HIVEP1: variants seen among roughly 807,000 people sequenced by gnomAD.
HIVEP1 encodes HIVEP zinc finger 1, also known as zinc finger protein 40.
In HIVEP1, 36 loss-of-function variants were observed where a neutral mutation model predicts 180.0. The ratio of observed to expected loss-of-function variants is 0.20; its 90% CI spans 0.15 to 0.26. The LOEUF is 0.26. Ranked by LOEUF, HIVEP1 falls within the 10% of genes least tolerant of loss-of-function variation. HIVEP1 has a pLI of 1.00. For synonymous variants in HIVEP1, 1,239 were observed against 1,239.0 expected (o/e 1.00, Z 0.00); for missense variants, 3,143 against 3,268.7 (o/e 0.96, Z 0.94).
chr6:12,141,451 A>T (rs1479968969), intron 7 of HIVEP1, among the ~76,000 whole-genome samples: 1 of 152,088 alleles, frequency 6.6e-6, no homozygotes, highest in Non-Finnish European at 1.5e-5. Context: ...TGCTTGGAAG[A>T]AACTGCATCA....
chr6:12,033,709 TTTAC>T (rs1244455013), intron 2 of HIVEP1, among the ~76,000 whole-genome samples: 1 of 152,214 alleles, frequency 6.6e-6, no homozygotes. Context: ...ATCTTACTAT[TTTAC>T]TTACTGACAG....
chr6:12,158,819 T>G (rs1760219797), intron 7 of HIVEP1, among the ~76,000 whole-genome samples: 1 of 152,178 alleles, frequency 6.6e-6, no homozygotes, highest in Admixed American at 6.5e-5. Flanking sequence ...ATAGGTCTTT[T>G]GTTTTCCTGG....
At chr6:12,036,943 T>C (rs1769312383) in intron 2 of HIVEP1, among the ~76,000 whole-genome samples, 1 of 152,028 alleles carries the variant, frequency 6.6e-6, no homozygotes, top group Non-Finnish European at 1.5e-5. Flanking sequence ...AAAACAGCCC[T>C]CCAGAGAAGA....
At chr6:12,068,652 A>G (rs1290151487) in intron 2 of HIVEP1, among the ~76,000 whole-genome samples, 1 of 152,150 alleles carries the variant, frequency 6.6e-6, no homozygotes, top group East Asian at 1.9e-4. Context: ...TATATGTGTA[A>G]ATCGTCACAC....
At chr6:12,099,993 T>C (rs1774016859) in intron 3 of HIVEP1, among the ~76,000 whole-genome samples, 1 of 152,264 alleles carries the variant, frequency 6.6e-6, no homozygotes, top group Non-Finnish European at 1.5e-5. Context: ...TCCTTTCTTA[T>C]GACTTCATTG....
intron 3 of HIVEP1, among the ~76,000 whole-genome samples, chr6:12,091,734 A>G (rs1773488317): frequency 6.6e-6 from 1 of 152,078 alleles, no homozygotes; most frequent in Admixed American, 6.6e-5. Context: ...AATTTGATTT[A>G]TTTTGATTTT....
chr6:12,013,535 A>C (rs1006446405), intron 1 of HIVEP1, among the ~76,000 whole-genome samples: 1 of 152,214 alleles, frequency 6.6e-6, no homozygotes, highest in Non-Finnish European at 1.5e-5. Context: ...GGGAATGTGC[A>C]TATTTTACAT....
At chr6:12,195,594 C>A in the HIVEP1 span, among the ~76,000 whole-genome samples, 1 of 152,052 alleles carries the variant, frequency 6.6e-6, no homozygotes, top group Non-Finnish European at 1.5e-5. Context: ...AAAACTGAGG[C>A]CTAAGAGGAA....
chr6:12,062,289 C>T (rs1771290208), intron 2 of HIVEP1, among the ~76,000 whole-genome samples: 1 of 152,110 alleles, frequency 6.6e-6, no homozygotes, highest in African/African-American at 2.4e-5. Context: ...TAAAACTATT[C>T]CTTTAATGAT....
intron 2 of HIVEP1, among the ~76,000 whole-genome samples, chr6:12,035,419 C>G (rs6926714): frequency 0.017 from 2,614 of 152,252 alleles, 63 homozygotes; most frequent in African/African-American, 0.059. Context: ...AAGAATAGTT[C>G]AGAGTGGTGG....
chr6:12,134,444 G>A (rs1205300923), intron 6 of HIVEP1, among the ~76,000 whole-genome samples: 2 of 152,124 alleles, frequency 1.3e-5, no homozygotes, highest in Non-Finnish European at 2.9e-5. Flanking sequence ...AGCTTGTACA[G>A]GGATGACCAG....
chr6:12,121,393 T>G lies in HIVEP1; in HGVS notation c.1598T>G (p.Phe533Cys). The stretch of plus-strand genomic sequence containing the variant: ...GCTGAAACTTTACTAAAATCAAGCT[T>G]CACTCCAAGCAGTCCAGAAAATGTG... ...SNAETLLKSS[F>C]TPSSPENVIG... The change falls in exon 4 of 9, where the codon TTC becomes TGC. Residue 533 changes from phenylalanine (F) to cysteine (C), a missense_variant. Phe to Cys is a radical substitution (Grantham distance 205, BLOSUM62 -2). Transcript: ENST00000379388. The surrounding 1 kb of genome is among the most constrained non-coding windows in gnomAD (Gnocchi z 5.3). 3 of 1,614,084 alleles carry G rather than the reference T, an allele frequency of 1.9e-6. No homozygotes were observed. Among genetic ancestry groups the G allele is most frequent in the Non-Finnish European group, 2.5e-6 (3 of 1,180,022 alleles).
chr6:12,068,299 A>G (rs890027630), intron 2 of HIVEP1, among the ~76,000 whole-genome samples: 4 of 152,138 alleles, frequency 2.6e-5, no homozygotes, highest in African/African-American at 9.7e-5. Context: ...CGTGTTGGCC[A>G]GGGTGGTCTC....
upstream of HIVEP1, chr6:12,008,454 T>TAC (rs1206334037): frequency 1.3e-5 from 2 of 152,210 alleles, no homozygotes; most frequent in East Asian, 3.9e-4. Context: ...GGAAAGACCA[T>TAC]ACGGTGCAAG....
rs1165075092 is a variant in HIVEP1 at position 12,084,091 on chromosome 6, G to GT, written c.41-5086dup. On this transcript the variant is annotated intron_variant, in intron 2 of 8. Coordinates refer to ENST00000379388, the MANE Select transcript of HIVEP1 (RefSeq NM_002114.4). ...GATAATAAGGTTCCAGGCCCAGTGA[G>GT]TTTTTTTAAAAAGCAAATTCAGTGT... Among the ~76,000 whole-genome samples, 11 of 152,178 alleles carry GT rather than the reference G, an allele frequency of 7.2e-5. No homozygotes were observed. In the East Asian group the frequency reaches 1.7e-3, roughly 24 times the overall value.
chr6:12,106,539 T>C (rs1208486359), intron 3 of HIVEP1, among the ~76,000 whole-genome samples: 1 of 152,150 alleles, frequency 6.6e-6, no homozygotes, highest in Non-Finnish European at 1.5e-5. Context: ...TAACTAATCA[T>C]TTATGGCATA....
rs770339091 is a variant in HIVEP1, at chr6:12,121,013, T to C, written c.1218T>C (p.Tyr406=). 2 of 1,614,026 alleles carry C rather than the reference T, an allele frequency of 1.2e-6. No individual in the cohort carries two copies. Among genetic ancestry groups the C allele is most frequent in the East Asian group, 2.2e-5 (1 of 44,892 alleles). Reference sequence around the variant, plus strand: ...AGAAGCCAAAAAAACAAGGAAAATATATTTGTGAGTATTGCAATAGAGCAT... The same window carrying C: ...AGAAGCCAAAAAAACAAGGAAAATACATTTGTGAGTATTGCAATAGAGCAT... The part of the protein sequence containing the change: ...KDQKPKKQGK[Y]ICEYCNRACA... The change falls in exon 4 of 9, where the codon TAT becomes TAC. Residue 406 remains tyrosine (Y), a synonymous_variant. Coordinates refer to ENST00000379388, the MANE Select transcript of HIVEP1 (RefSeq NM_002114.4). The surrounding 1 kb of genome is among the most constrained non-coding windows in gnomAD (Gnocchi z 5.3).
the HIVEP1 span, among the ~76,000 whole-genome samples, chr6:12,172,722 T>C: frequency 1.3e-5 from 2 of 152,110 alleles, no homozygotes; most frequent in Admixed American, 6.6e-5. Context: ...TCTCACATTG[T>C]GGTTGAGATA....
At chr6:12,186,159 A>G in the HIVEP1 span, among the ~76,000 whole-genome samples, 14 of 152,066 alleles carry the variant, frequency 9.2e-5, no homozygotes, top group Non-Finnish European at 1.2e-4. Flanking sequence ...TCAACTAGTG[A>G]TCAGATAAAC....
Sources: gnomAD v4.1 joint callset for allele counts (sites outside exome capture counted in the v4.1 genomes callset) on GRCh38, gnomAD v4.1.1 for gene constraint, Gnocchi (gnomAD v3.1) non-coding constraint, MANE v1.5 for transcripts, NCBI Gene and HGNC (gene_info 2026-07-23, HGNC 2026-07-21) for gene names.